KIF20A: variants seen among roughly 807,000 people sequenced by gnomAD.
KIF20A encodes the protein kinesin family member 20A, also known as kinesin-like protein KIF20A.
In KIF20A, 66 loss-of-function variants were observed where a neutral mutation model predicts 113.0. The observed-to-expected ratio is 0.58, with a 90% CI of 0.48 to 0.72. The LOEUF is 0.72. Among genes scored for constraint, KIF20A ranks in the 30% least tolerant of loss-of-function variants. The pLI, the probability that KIF20A is intolerant of heterozygous loss-of-function variation, is 0.00. For missense variants in KIF20A, 927 were observed against 1,077.6 expected (o/e 0.86, Z 1.96); for synonymous variants, 376 against 402.3 (o/e 0.93, Z 0.78).
Position 138,185,092 on chromosome 5 carries a change from C to T in KIF20A, c.1824-3C>T, listed in dbSNP as rs773352750. 3.1e-6 allele frequency: 5 copies of T among 1,610,420 alleles called. No homozygotes were observed. The highest frequency in any genetic ancestry group is 3.3e-5 in the Admixed American group (2 of 59,886). On this transcript the variant is annotated splice_region_variant and splice_polypyrimidine_tract_variant and intron_variant, in intron 14 of 18. Coordinates refer to ENST00000394894, the MANE Select transcript of KIF20A (RefSeq NM_005733.3). The stretch of plus-strand genomic sequence containing the variant: ...CCTCTCTTTTCTCCTCTGTTTCTGA[C>T]AGTGAACATTTGGACACCCAAAAGG...
In KIF20A at chr5:138,182,969, A is replaced by T. The variant is rs1204633368; in HGVS notation, c.811A>T (p.Thr271Ser). 6.2e-7 allele frequency: 1 copy of T among 1,614,048 alleles called. No individual in the cohort carries two copies. Among genetic ancestry groups the T allele is most frequent in the Non-Finnish European group, 8.5e-7 (1 of 1,180,038 alleles). Residue 271 changes from threonine to serine, a missense_variant, in exon 7 of 19, where the codon ACC (threonine) becomes TCC (serine). Physicochemically the swap from Thr to Ser is moderately conservative, Grantham distance 58. Coordinates refer to ENST00000394894, the MANE Select transcript of KIF20A (RefSeq NM_005733.3). ...TGGGCTCTCTTCTATCAGTCAGTGT[A>T]CCAGCAGTAGCCAGCTGGATGGTAT... Reference protein sequence around the residue: ...IAGLSSISQCTSSSQLDETSH... With the variant: ...IAGLSSISQCSSSSQLDETSH...
rs78008454 is a variant in KIF20A at position 138,184,447 on chromosome 5, G to A, written c.1518+43G>A. 382 of 1,612,824 alleles carry A rather than the reference G, an allele frequency of 2.4e-4. 2 individuals carry two copies. In the African/African-American group the frequency reaches 4.5e-3, roughly 19 times the overall value. On this transcript the variant is annotated intron_variant, in intron 12 of 18. Coordinates refer to ENST00000394894, the MANE Select transcript of KIF20A (RefSeq NM_005733.3). Reference sequence around the variant, plus strand: ...TGATGGGTGTGCGCACTTGGAACTGGTAACTCTAAGAAAGCTCCTAGGGAC... The same window carrying A: ...TGATGGGTGTGCGCACTTGGAACTGATAACTCTAAGAAAGCTCCTAGGGAC...
chr5:138,187,016 G>A (rs1754755635), intron 18 of KIF20A, 80 bp from the exon 19 acceptor site: 4 of 1,013,422 alleles, frequency 3.9e-6, no homozygotes, highest in Non-Finnish European at 5.8e-6. Flanking sequence ...GTAATGGATG[G>A]TATGTATTAC....
chr5:138,184,217 A>T, intron 11 of KIF20A, 22 bp from the exon 12 acceptor site: 1 of 1,613,480 alleles, frequency 6.2e-7, no homozygotes, highest in Non-Finnish European at 8.5e-7. Flanking sequence ...TCACAGCTCT[A>T]TTATCTCTGA....
chr5:138,182,710 C>T lies in KIF20A; in HGVS notation c.639C>T (p.Asp213=). 1.9e-6 allele frequency: 3 copies of T among 1,614,060 alleles called. No individual in the cohort carries two copies. Among genetic ancestry groups the T allele is most frequent in the African/African-American group, 1.3e-5 (1 of 75,024 alleles). The stretch of plus-strand genomic sequence containing the variant: ...TCTCCAATGAGGTAATCTGGCTAGA[C>T]AGCAAGCAGATCCGACAGGAGGAAA... ...PLLSNEVIWL[D]SKQIRQEEMK... is the part of the protein sequence containing the mutation. Residue 213 remains aspartate, a synonymous_variant, in exon 6 of 19, where the codon GAC becomes GAT. Coordinates refer to ENST00000394894, the MANE Select transcript of KIF20A (RefSeq NM_005733.3).
intron 14 of KIF20A, 67 bp from the exon 15 acceptor site, chr5:138,185,028 G>A (rs1038090929): frequency 6.3e-7 from 1 of 1,595,084 alleles, no homozygotes; most frequent in African/African-American, 1.3e-5. Context: ...TGTGCCTCAA[G>A]ATCTGTTCCC....
chr5:138,181,780 T>C, intron 4 of KIF20A, 52 bp downstream of exon 4: 1 of 1,603,794 alleles, frequency 6.2e-7, no homozygotes, highest in Non-Finnish European at 8.5e-7. Context: ...AGGGCAACTT[T>C]ATTCCCTCTT....
Position 138,181,449 on chromosome 5 carries a change from G to C in KIF20A, c.193G>C (p.Val65Leu). The C allele has an allele frequency of 4.3e-6, 7 of 1,614,224 alleles. No homozygotes were observed. The highest frequency in any genetic ancestry group is 5.9e-6 in the Non-Finnish European group (7 of 1,180,030). ...QVPSEDSMEK[V>L]KVYLRVRPLL... is the part of the protein sequence containing the mutation. ...TCCATCTGAGGACAGTATGGAGAAG[G>C]TGAAAGTATACTTGAGGGTTAGGCC... Residue 65 changes from valine to leucine, a missense_variant, in exon 3 of 19, where the codon GTG becomes CTG. Val to Leu is a conservative substitution (Grantham distance 32). Coordinates refer to ENST00000394894, the MANE Select transcript of KIF20A (RefSeq NM_005733.3).
Position 138,183,667 on chromosome 5 carries a change from T to G in KIF20A, c.1140-21T>G. 3 of 1,612,526 alleles carry G rather than the reference T, an allele frequency of 1.9e-6. No individual in the cohort carries two copies. The highest frequency in any genetic ancestry group is 2.5e-6 in the Non-Finnish European group (3 of 1,178,702). On this transcript the variant is annotated intron_variant, in intron 9 of 18. Transcript: ENST00000394894. The surrounding 1 kb of genome is among the most constrained non-coding windows in gnomAD (Gnocchi z 5.2). ...GGTCATGGAAAATGTGCAATGACTT[T>G]TTGTTTTTCTTAACTTCCAGTCACA...
rs1294066522 is a variant in KIF20A, at chr5:138,179,645, T to A, written c.-21-15T>A. The A allele has an allele frequency of 6.2e-7, 1 of 1,612,112 alleles. No homozygotes were observed. Among genetic ancestry groups the A allele is most frequent in the Non-Finnish European group, 8.5e-7 (1 of 1,179,584 alleles). On this transcript the variant is annotated splice_polypyrimidine_tract_variant and intron_variant, in intron 1 of 18. Coordinates refer to ENST00000394894, the MANE Select transcript of KIF20A (RefSeq NM_005733.3). Reference sequence around the variant, plus strand: ...AAAGGTTCTTCTCCCTGCCCACTTTTTGGTCTCTTTTTAGACCTAGGCTGC... The same window carrying A: ...AAAGGTTCTTCTCCCTGCCCACTTTATGGTCTCTTTTTAGACCTAGGCTGC...
At chr5:138,180,989 TTGAA>T (rs1256509982) in intron 2 of KIF20A, among the ~76,000 whole-genome samples, 1 of 152,218 alleles carries the variant, frequency 6.6e-6, no homozygotes, top group Non-Finnish European at 1.5e-5. Flanking sequence ...TAAGTATCTG[TTGAA>T]TGAATGACAT....
Position 138,183,919 on chromosome 5 carries a change from T to C in KIF20A, c.1209-43T>C, listed in dbSNP as rs1242694396. ...ATTATACAAAGGGCCAGAAGGCTCA[T>C]AACATGTGAGGCCCTTATGTCAGAT... On this transcript the variant is annotated intron_variant, in intron 10 of 18. Coordinates refer to ENST00000394894, the MANE Select transcript of KIF20A (RefSeq NM_005733.3). The surrounding 1 kb of genome is among the most constrained non-coding windows in gnomAD (Gnocchi z 5.2). 1.9e-6 allele frequency: 3 copies of C among 1,612,832 alleles called. No individual in the cohort carries two copies. The highest frequency in any genetic ancestry group is 2.5e-6 in the Non-Finnish European group (3 of 1,179,190).
chr5:138,181,590 G>A lies in KIF20A; in HGVS notation c.256-19G>A. 1 of 1,614,160 alleles carries A rather than the reference G, an allele frequency of 6.2e-7. No individual in the cohort carries two copies. ...CCCAGGAATGCCTTCTGTGACAACT[G>A]TATTTTCTCCCTTCTCAGGGTTGTG... is the stretch of plus-strand genomic sequence containing the variant. On this transcript the variant is annotated intron_variant, in intron 3 of 18. Coordinates refer to ENST00000394894, the MANE Select transcript of KIF20A (RefSeq NM_005733.3).
rs200853662 is a variant in KIF20A, at chr5:138,182,640, G to A, written c.569G>A (p.Ser190Asn). The A allele has an allele frequency of 3.2e-5, 51 of 1,614,030 alleles. No individual in the cohort carries two copies. In the South Asian group the frequency reaches 5.3e-4, roughly 17 times the overall value. Residue 190 changes from serine (S) to asparagine (N), a missense_variant, in exon 6 of 19, where the codon AGC becomes AAC. Ser to Asn is a conservative substitution (Grantham distance 46, BLOSUM62 1). Transcript: ENST00000394894. ...CGGTCCCTGGCGCTGATCTTCAATA[G>A]CCTCCAAGGCCAACTTCATCCAACA... Reference protein sequence around the residue: ...LPRSLALIFNSLQGQLHPTPD... With the variant: ...LPRSLALIFNNLQGQLHPTPD...
intron 1 of KIF20A, 68 bp from the exon 2 acceptor site, chr5:138,179,592 C>T (rs965298650): frequency 1.5e-6 from 2 of 1,315,444 alleles, no homozygotes; most frequent in African/African-American, 1.5e-5. Flanking sequence ...GGACTTATTA[C>T]CTAAAATTCG....
At chr5:138,179,922 G>A in intron 2 of KIF20A, 77 bp downstream of exon 2, 3 of 1,432,094 alleles carry the variant, frequency 2.1e-6, no homozygotes. Context: ...GTAGTATGAG[G>A]TCAAAGACTA....
Position 138,184,455 on chromosome 5 carries a change from A to T in KIF20A, c.1518+51A>T, listed in dbSNP as rs764830207. On this transcript the variant is annotated intron_variant, in intron 12 of 18. Transcript: ENST00000394894. ...GTGCGCACTTGGAACTGGTAACTCT[A>T]AGAAAGCTCCTAGGGACTACTTATG... is the stretch of plus-strand genomic sequence containing the variant. 21 of 1,612,086 alleles carry T rather than the reference A, an allele frequency of 1.3e-5. No individual in the cohort carries two copies. In the South Asian group the frequency reaches 2.3e-4, roughly 18 times the overall value.
chr5:138,187,041 T>G, intron 18 of KIF20A, 55 bp from the exon 19 acceptor site: 1 of 1,389,194 alleles, frequency 7.2e-7, no homozygotes, highest in Non-Finnish European at 9.9e-7. Flanking sequence ...AGCCCTCTCG[T>G]TTCTCTAATA....
Position 138,183,449 on chromosome 5 carries a change from AC to A in KIF20A, c.1028-17del, listed in dbSNP as rs1202772199. The stretch of plus-strand genomic sequence containing the variant: ...AAAGAGTTGGATGTTCCCATCTTAC[AC>A]CCCTCTCCTTTGGCCCCAGATCTCA... On this transcript the variant is annotated intron_variant, in intron 8 of 18. Coordinates refer to ENST00000394894, the MANE Select transcript of KIF20A (RefSeq NM_005733.3). This position sits in a 1 kb window ranked among gnomAD's most constrained non-coding sequence, Gnocchi z 5.2. 3.1e-6 allele frequency: 5 copies of A among 1,610,702 alleles called. No homozygotes were observed. Among genetic ancestry groups the A allele is most frequent in the African/African-American group, 1.3e-5 (1 of 74,904 alleles).
Sources: gnomAD v4.1 joint callset for allele counts (sites outside exome capture counted in the v4.1 genomes callset) on GRCh38, gnomAD v4.1.1 for gene constraint, Gnocchi (gnomAD v3.1) non-coding constraint, MANE v1.5 for transcripts, NCBI Gene and HGNC (gene_info 2026-07-23, HGNC 2026-07-21) for gene names.